RBM19: variants seen among roughly 807,000 people sequenced by gnomAD.
The protein encoded by RBM19 is RNA binding motif protein 19.
In RBM19, 94 loss-of-function variants were observed where a neutral mutation model predicts 116.8. The ratio of observed to expected loss-of-function variants is 0.80; its 90% CI spans 0.68 to 0.95. The LOEUF is 0.95. Ranked by LOEUF, RBM19 falls within the 40% of genes least tolerant of loss-of-function variation. RBM19 has a pLI of 0.00. For synonymous variants in RBM19, 475 were observed against 494.1 expected (o/e 0.96, Z 0.51); for missense variants, 1,161 against 1,220.7 (o/e 0.95, Z 0.73).
chr12:113,853,832 C>T (rs533669896), intron 22 of RBM19, among the ~76,000 whole-genome samples: 35 of 152,310 alleles, frequency 2.3e-4, no homozygotes, highest in African/African-American at 8.4e-4. Flanking sequence ...CCCACTCCTC[C>T]TCTGGGGGCT....
chr12:113,941,176 C>T (rs1161080535), intron 14 of RBM19, among the ~76,000 whole-genome samples: 1 of 152,142 alleles, frequency 6.6e-6, no homozygotes. Context: ...ACAGTCACAC[C>T]CATCTTATAG....
At chr12:113,902,716 T>C (rs1056349927) in intron 21 of RBM19, among the ~76,000 whole-genome samples, 2 of 152,220 alleles carry the variant, frequency 1.3e-5, no homozygotes, top group Non-Finnish European at 2.9e-5. Context: ...CGTTGTTTTG[T>C]GAATCAATAG....
At chr12:113,906,094 C>T (rs1220807374) in intron 21 of RBM19, among the ~76,000 whole-genome samples, 1 of 152,218 alleles carries the variant, frequency 6.6e-6, no homozygotes, top group Non-Finnish European at 1.5e-5. Context: ...GATATGCATA[C>T]CCTGTGGCCC....
In RBM19 at chr12:113,871,494, A is replaced by T. The variant is rs1879201587; in HGVS notation, c.2559-12598T>A. On this transcript the variant is annotated intron_variant, in intron 21 of 23. Transcript: ENST00000261741. ...GACAGTCAATAATTTTAGCTTTGCG[A>T]CTACTCTACTCTGCTCTGTAGCGTG... is the stretch of plus-strand genomic sequence containing the variant. 2.0e-5 allele frequency among the ~76,000 whole-genome samples: 3 copies of T among 152,252 alleles called. No individual in the cohort carries two copies. In the South Asian group the frequency reaches 6.2e-4, roughly 31 times the overall value.
chr12:113,960,282 C>T (rs1872380471), intron 2 of RBM19, 104 bp from the exon 3 acceptor site: 10 of 1,503,536 alleles, frequency 6.7e-6, no homozygotes, highest in Non-Finnish European at 9.1e-6. Context: ...ACTGTCACTG[C>T]CTAGCTGAGT....
chr12:113,919,325 A>C (rs982132550), intron 19 of RBM19, among the ~76,000 whole-genome samples: 2 of 152,216 alleles, frequency 1.3e-5, no homozygotes, highest in African/African-American at 4.8e-5. Flanking sequence ...TAATCCCAGC[A>C]CTTTGGGAGG....
chr12:113,908,067 T>C (rs1003302367), intron 21 of RBM19, among the ~76,000 whole-genome samples: 2 of 152,054 alleles, frequency 1.3e-5, no homozygotes, highest in Non-Finnish European at 2.9e-5. Context: ...CTTTGAGAAC[T>C]TGGCTAAGGG....
intron 7 of RBM19, among the ~76,000 whole-genome samples, chr12:113,954,234 GTGAGCTATGATGGCAGCACTGTAC>G (rs1489855126): frequency 6.6e-6 from 1 of 152,214 alleles, no homozygotes; most frequent in Non-Finnish European, 1.5e-5. Flanking sequence ...AGAGGCTTCA[GTGAGCTATGATGGCAGCACTGTAC>G]TACAGCCTGG....
chr12:113,951,386 G>A (rs1475806080), intron 8 of RBM19, among the ~76,000 whole-genome samples: 1 of 152,108 alleles, frequency 6.6e-6, no homozygotes, highest in Non-Finnish European at 1.5e-5. Context: ...ATAAAACCAA[G>A]GGTACCAGCA....
At chr12:113,936,498 T>A (rs983984306) in intron 16 of RBM19, among the ~76,000 whole-genome samples, 5 of 152,186 alleles carry the variant, frequency 3.3e-5, no homozygotes, top group Admixed American at 1.3e-4. Flanking sequence ...GAAAGTACTG[T>A]CCAGTCCCAA....
intron 15 of RBM19, 40 bp from the exon 16 acceptor site, chr12:113,937,176 C>T: frequency 2.5e-6 from 4 of 1,610,124 alleles, no homozygotes; most frequent in Non-Finnish European, 3.4e-6. Context: ...GTCTTCATTA[C>T]AACACACTGC....
At chr12:113,925,314 G>A (rs1566020477) in intron 17 of RBM19, among the ~76,000 whole-genome samples, 1 of 152,170 alleles carries the variant, frequency 6.6e-6, no homozygotes, top group African/African-American at 2.4e-5. Flanking sequence ...GAAGCCCAGG[G>A]GCCGGGGAGA....
chr12:113,890,711 C>A (rs1880904758), intron 21 of RBM19, among the ~76,000 whole-genome samples: 1 of 152,234 alleles, frequency 6.6e-6, no homozygotes, highest in Non-Finnish European at 1.5e-5. Context: ...AGGGGTGTCC[C>A]ACAGAACTTC....
intron 22 of RBM19, among the ~76,000 whole-genome samples, chr12:113,852,726 C>T (rs1877554577): frequency 6.6e-6 from 1 of 152,216 alleles, no homozygotes; most frequent in Non-Finnish European, 1.5e-5. Context: ...CAAGGGCAGC[C>T]TTATTATTGC....
At chr12:113,839,873 T>C (rs750523135) in intron 23 of RBM19, among the ~76,000 whole-genome samples, 2 of 152,228 alleles carry the variant, frequency 1.3e-5, no homozygotes, top group Non-Finnish European at 2.9e-5. Context: ...ATGCAGAATC[T>C]GGGTCTTGCT....
chr12:113,866,148 C>T (rs554061650), intron 21 of RBM19, among the ~76,000 whole-genome samples: 1 of 152,334 alleles, frequency 6.6e-6, no homozygotes, highest in Admixed American at 6.5e-5. Context: ...CTCTTCTGTT[C>T]TTGCTCTCCC....
intron 1 of RBM19, among the ~76,000 whole-genome samples, chr12:113,963,216 T>G (rs907625017): frequency 6.6e-6 from 1 of 152,230 alleles, no homozygotes; most frequent in Non-Finnish European, 1.5e-5. Context: ...CCACTAAGTT[T>G]GTGCTAATTT....
At chr12:113,851,958 G>T (rs1161366316) in intron 22 of RBM19, among the ~76,000 whole-genome samples, 1 of 152,014 alleles carries the variant, frequency 6.6e-6, no homozygotes, top group Non-Finnish European at 1.5e-5. Flanking sequence ...GGCTGAGGCA[G>T]GAGAATCGCT....
chr12:113,849,704 G>A (rs1186012921), intron 22 of RBM19, among the ~76,000 whole-genome samples: 1 of 152,214 alleles, frequency 6.6e-6, no homozygotes, highest in East Asian at 1.9e-4. Flanking sequence ...TGAAGATCCA[G>A]CACAGAACCC....
Sources: allele counts gnomAD v4.1 joint callset (sites outside exome capture counted in the v4.1 genomes callset), GRCh38; gene constraint gnomAD v4.1.1; transcripts MANE v1.5; gene names NCBI Gene and HGNC (gene_info 2026-07-23, HGNC 2026-07-21).